Variants in ENTPD1 observed in about 807,000 individuals in gnomAD.
The protein encoded by ENTPD1 is ATP diphosphohydrolase.
A neutral mutation model predicts 57.0 loss-of-function variants in ENTPD1; 33 were observed. The observed-to-expected ratio is 0.58, with a 90% CI of 0.44 to 0.77. ENTPD1 has a LOEUF of 0.77. Ranked by LOEUF, ENTPD1 falls within the 30% of genes least tolerant of loss-of-function variation. The pLI, the probability that ENTPD1 is intolerant of heterozygous loss-of-function variation, is 0.00. For synonymous variants in ENTPD1, 202 were observed against 218.8 expected (o/e 0.92, Z 0.68); for missense variants, 501 against 603.4 (o/e 0.83, Z 1.78).
At chr10:95,855,628 C>G (rs776927062) in intron 7 of ENTPD1, among the ~76,000 whole-genome samples, 1 of 152,118 alleles carries the variant, frequency 6.6e-6, no homozygotes, top group Non-Finnish European at 1.5e-5. Flanking sequence ...TTAGGGCAGG[C>G]CTGGTGGTGA....
intron 1 of ENTPD1, among the ~76,000 whole-genome samples, chr10:95,720,795 T>C (rs1449128734): frequency 6.6e-6 from 1 of 152,190 alleles, no homozygotes; most frequent in Non-Finnish European, 1.5e-5. Flanking sequence ...CAATCTGCTT[T>C]AAAGTGTCCT....
intron 1 of ENTPD1, among the ~76,000 whole-genome samples, chr10:95,774,032 G>C (rs2098124904): frequency 6.6e-6 from 1 of 152,178 alleles, no homozygotes; most frequent in Non-Finnish European, 1.5e-5. Context: ...CATTCTAACT[G>C]GTGTGAGATG....
intron 1 of ENTPD1, among the ~76,000 whole-genome samples, chr10:95,721,965 TG>T (rs1480946529): frequency 6.6e-6 from 1 of 152,228 alleles, no homozygotes; most frequent in East Asian, 1.9e-4. Flanking sequence ...GTTGTAGAGC[TG>T]GGCTGGGTTC....
chr10:95,778,750 G>C (rs1294057875), intron 1 of ENTPD1, among the ~76,000 whole-genome samples: 1 of 151,894 alleles, frequency 6.6e-6, no homozygotes, highest in Non-Finnish European at 1.5e-5. Flanking sequence ...TCCTCTCTCT[G>C]ATGATAGTAA....
Position 95,874,235 on chromosome 10 carries a change from T to C in ENTPD1, c.*7852T>C, listed in dbSNP as rs1053629279. On this transcript the variant is annotated 3_prime_UTR_variant, in exon 10 of 10. Coordinates refer to ENST00000371205, the MANE Select transcript of ENTPD1 (RefSeq NM_001776.6). ...CTGTAAAAGCAAGCTAGTTACCTCCTAGATACAATGGGGGGTACAGGTATT... is the reference window on the plus strand; with the variant it reads ...CTGTAAAAGCAAGCTAGTTACCTCCCAGATACAATGGGGGGTACAGGTATT... 6.6e-6 allele frequency among the ~76,000 whole-genome samples: 1 copy of C among 152,170 alleles called. No homozygotes were observed. Among genetic ancestry groups the C allele is most frequent in the African/African-American group, 2.4e-5 (1 of 41,432 alleles).
intron 1 of ENTPD1, among the ~76,000 whole-genome samples, chr10:95,737,823 AC>A (rs2097996325): frequency 6.6e-6 from 1 of 152,262 alleles, no homozygotes; most frequent in Non-Finnish European, 1.5e-5. Flanking sequence ...TGACTGTGGA[AC>A]AGCCACCTTT....
At chr10:95,797,083 A>C (rs908157719) in intron 1 of ENTPD1, among the ~76,000 whole-genome samples, 1 of 152,136 alleles carries the variant, frequency 6.6e-6, no homozygotes, top group African/African-American at 2.4e-5. Flanking sequence ...AAAAAAACAC[A>C]AAAACAAAAT....
chr10:95,764,602 C>T (rs993830924), intron 1 of ENTPD1, among the ~76,000 whole-genome samples: 5 of 152,010 alleles, frequency 3.3e-5, no homozygotes, highest in Non-Finnish European at 5.9e-5. Flanking sequence ...AGTAGTATCT[C>T]ATTGAGGTTT....
intron 1 of ENTPD1, among the ~76,000 whole-genome samples, chr10:95,727,878 T>C (rs1316481853): frequency 6.6e-6 from 1 of 152,256 alleles, no homozygotes; most frequent in Non-Finnish European, 1.5e-5. Flanking sequence ...AGAATTTTTA[T>C]ATGTGGAGTG....
At chr10:95,703,003 T>G in the ENTPD1 span, among the ~76,000 whole-genome samples, 1 of 152,004 alleles carries the variant, frequency 6.6e-6, no homozygotes, top group Non-Finnish European at 1.5e-5. Flanking sequence ...GCCAGGCTGG[T>G]TTTGAATTCC....
chr10:95,840,681 A>G (rs1334644507), intron 3 of ENTPD1, among the ~76,000 whole-genome samples: 3 of 152,162 alleles, frequency 2.0e-5, no homozygotes, highest in Admixed American at 2.0e-4. Context: ...TGCATTATAT[A>G]TCAATAATTT....
chr10:95,876,478 T>G lies in ENTPD1; in HGVS notation c.*10095T>G. On this transcript the variant is annotated 3_prime_UTR_variant, in exon 10 of 10. Transcript: ENST00000371205. ...GTAATCAATAGCTTAAAAATATGTC[T>G]CTCTGTCCTATTCTGTATCTGTATC... 1 of 1,231,504 alleles carries G rather than the reference T, an allele frequency of 8.1e-7. No homozygotes were observed. 76.3% of individuals were successfully genotyped at this position (1,231,504 alleles called of 1,614,324 possible).
At chr10:95,760,247 C>T (rs1452103271) in intron 1 of ENTPD1, among the ~76,000 whole-genome samples, 1 of 152,218 alleles carries the variant, frequency 6.6e-6, no homozygotes, top group Non-Finnish European at 1.5e-5. Context: ...TCTGGAGAAA[C>T]TTCTCAAAGG....
chr10:95,758,458 A>G (rs909848470), intron 1 of ENTPD1, among the ~76,000 whole-genome samples: 1 of 152,126 alleles, frequency 6.6e-6, no homozygotes, highest in Non-Finnish European at 1.5e-5. Flanking sequence ...GAAGCCTCAT[A>G]TTGGGTGTTA....
At chr10:95,714,360 A>T (rs1035369402) in intron 1 of ENTPD1, among the ~76,000 whole-genome samples, 10 of 152,074 alleles carry the variant, frequency 6.6e-5, no homozygotes, top group African/African-American at 2.2e-4. Flanking sequence ...AAATAAATAA[A>T]CGTTAAAGTT....
Position 95,870,505 on chromosome 10 carries a change from C to T in ENTPD1, c.*4122C>T, listed in dbSNP as rs2098479234. The stretch of plus-strand genomic sequence containing the variant: ...TGTTGTCCAGGCTGGTCTCGAACTC[C>T]TGCCCTCAAGCAATCCTCCTGCCTT... On this transcript the variant is annotated 3_prime_UTR_variant, in exon 10 of 10. Coordinates refer to ENST00000371205, the MANE Select transcript of ENTPD1 (RefSeq NM_001776.6). 1 of 938,492 alleles carries T rather than the reference C, an allele frequency of 1.1e-6. No individual in the cohort carries two copies. The highest frequency in any genetic ancestry group is 1.3e-6 in the Non-Finnish European group (1 of 787,282). The allele number at this position is 938,492 out of a possible 1,614,324, so 58.1% of individuals were successfully genotyped here. A position where few individuals can be genotyped will look rare whatever the true frequency, so the allele number is the denominator to read the frequency against.
At position 95,862,002 on chromosome 10, in the gene ENTPD1, T is replaced by TA. The variant is rs751536822; in HGVS notation, c.1188+1435dup. Among the ~76,000 whole-genome samples the TA allele has an allele frequency of 9.8e-3, 1,349 of 137,870 alleles. 5 individuals are homozygous for TA. Among genetic ancestry groups the TA allele is most frequent in the Non-Finnish European group, 0.014 (851 of 63,034 alleles). The allele number at this position is 137,870 out of a possible 152,430, so 90.4% of individuals were successfully genotyped here. On this transcript the variant is annotated intron_variant, in intron 8 of 9. Transcript: ENST00000371205. ...CAGAGCAGGACTCCATCTCAAAAATTAAAAAAAAAAAAAAAGTTCTGTCAG... is the reference window on the plus strand; with the variant it reads ...CAGAGCAGGACTCCATCTCAAAAATTAAAAAAAAAAAAAAAAGTTCTGTCAG...
intron 1 of ENTPD1, among the ~76,000 whole-genome samples, chr10:95,781,349 C>T (rs1171137193): frequency 6.6e-6 from 1 of 152,010 alleles, no homozygotes; most frequent in Non-Finnish European, 1.5e-5. Context: ...TTTGATAGCG[C>T]AACAGGGTGC....
chr10:95,874,025 G>A lies in ENTPD1; in HGVS notation c.*7642G>A, dbSNP rs1566274386. ...AGATACAATTCAAGTTGAGATTTGG[G>A]TGGGGACACAGCCAAACCATATCAT... On this transcript the variant is annotated 3_prime_UTR_variant, in exon 10 of 10. Coordinates refer to ENST00000371205, the MANE Select transcript of ENTPD1 (RefSeq NM_001776.6). Among the ~76,000 whole-genome samples, 1 of 152,148 alleles carries A rather than the reference G, an allele frequency of 6.6e-6. No homozygotes were observed. The highest frequency in any genetic ancestry group is 1.9e-4 in the East Asian group (1 of 5,188).
Sources: allele counts gnomAD v4.1 joint callset (sites outside exome capture counted in the v4.1 genomes callset), GRCh38; gene constraint gnomAD v4.1.1; transcripts MANE v1.5; gene names NCBI Gene and HGNC (gene_info 2026-07-23, HGNC 2026-07-21).